Variants in DOK6 observed in about 807,000 individuals in gnomAD.
DOK6 encodes the protein docking protein 6, also known as downstream of tyrosine kinase 6.
A neutral mutation model predicts 44.0 loss-of-function variants in DOK6; 22 were observed. The ratio of observed to expected loss-of-function variants is 0.50; its 90% confidence interval spans 0.36 to 0.71. The LOEUF is 0.71. DOK6 is among the 30% of genes least tolerant of loss of function. DOK6 has a pLI of 0.00. For synonymous variants in DOK6, 166 were observed against 145.5 expected, an observed-to-expected ratio of 1.14 and a Z score of -1.01; for missense variants, 340 against 416.4, an observed-to-expected ratio of 0.82 and a Z score of 1.60.
At chr18:69,673,579 C>A (rs1394034890) in intron 3 of DOK6, among the ~76,000 whole-genome samples, 1 of 152,184 alleles carries the variant, frequency 6.6e-6, no homozygotes, top group African/African-American at 2.4e-5. Flanking sequence ...CCATCATTTT[C>A]TCTGCAGTCA....
intron 1 of DOK6, among the ~76,000 whole-genome samples, chr18:69,466,285 C>T (rs1185440869): frequency 1.3e-5 from 2 of 152,144 alleles, no homozygotes; most frequent in Non-Finnish European, 2.9e-5. Flanking sequence ...TCTGTGCCTG[C>T]CTTATTTCAC....
At chr18:69,732,651 T>C (rs1599293228) in intron 5 of DOK6, among the ~76,000 whole-genome samples, 1 of 152,268 alleles carries the variant, frequency 6.6e-6, no homozygotes, top group East Asian at 1.9e-4. Flanking sequence ...TGTGAAAAGA[T>C]AGATTTTAAC....
At chr18:69,744,470 A>G (rs1978913568) in intron 6 of DOK6, among the ~76,000 whole-genome samples, 1 of 151,848 alleles carries the variant, frequency 6.6e-6, no homozygotes, top group Non-Finnish European at 1.5e-5. Flanking sequence ...TTTTTTACTG[A>G]TAGTCATGGA....
chr18:69,753,761 G>A (rs1390195841), intron 6 of DOK6, among the ~76,000 whole-genome samples: 1 of 151,902 alleles, frequency 6.6e-6, no homozygotes, highest in East Asian at 1.9e-4. Flanking sequence ...ACAGGAAATA[G>A]TCTTATAAAT....
intron 4 of DOK6, among the ~76,000 whole-genome samples, chr18:69,681,624 G>A (rs939522905): frequency 1.3e-5 from 2 of 152,046 alleles, no homozygotes; most frequent in Admixed American, 6.6e-5. Flanking sequence ...GTGCATACTT[G>A]GTAGACATTT....
In DOK6 at chr18:69,636,253, T is replaced by C. The variant is rs530150906; in HGVS notation, c.289+36755T>C. ...TGTAAGTTGAAAAACTGACCAAATC[T>C]TAAAATGAGGTGGACATAGCAGCAG... is the stretch of plus-strand genomic sequence containing the variant. On this transcript the variant is annotated intron_variant, in intron 3 of 7. Coordinates refer to ENST00000382713, the MANE Select transcript of DOK6 (RefSeq NM_152721.6). Among the ~76,000 whole-genome samples, 80 of 152,320 alleles carry C rather than the reference T, an allele frequency of 5.3e-4. 1 individual carries two copies. The highest frequency in any genetic ancestry group is 3.4e-3 in the Middle Eastern group (1 of 294).
chr18:69,533,508 A>G (rs1568288253), intron 1 of DOK6, among the ~76,000 whole-genome samples: 1 of 152,152 alleles, frequency 6.6e-6, no homozygotes, highest in Admixed American at 6.5e-5. Context: ...TTATGCAAAT[A>G]TAAGTATTAA....
At chr18:69,559,974 C>G (rs961393192) in intron 1 of DOK6, among the ~76,000 whole-genome samples, 2 of 152,100 alleles carry the variant, frequency 1.3e-5, no homozygotes, top group African/African-American at 4.8e-5. Flanking sequence ...CCCAAAGGCC[C>G]CATCTCCAAA....
At chr18:69,701,730 G>A (rs1052630168) in intron 5 of DOK6, among the ~76,000 whole-genome samples, 3 of 151,970 alleles carry the variant, frequency 2.0e-5, no homozygotes, top group Non-Finnish European at 2.9e-5. Flanking sequence ...TTAGAAACCT[G>A]GGAAAAACCC....
chr18:69,831,983 A>G (rs2145133150), intron 7 of DOK6, among the ~76,000 whole-genome samples: 1 of 152,260 alleles, frequency 6.6e-6, no homozygotes, highest in South Asian at 2.1e-4. Context: ...ACAACTTCAA[A>G]CAAGGATAAT....
At chr18:69,467,154 A>G (rs1241528175) in intron 1 of DOK6, among the ~76,000 whole-genome samples, 1 of 152,130 alleles carries the variant, frequency 6.6e-6, no homozygotes, top group Non-Finnish European at 1.5e-5. Context: ...AATGTTGTAA[A>G]CCAAAGAGGA....
At chr18:69,490,355 T>C (rs976218408) in intron 1 of DOK6, among the ~76,000 whole-genome samples, 4 of 152,176 alleles carry the variant, frequency 2.6e-5, no homozygotes, top group African/African-American at 9.7e-5. Context: ...TGGCTAAATT[T>C]GAATTGTTAT....
At chr18:69,749,736 C>T (rs908626043) in intron 6 of DOK6, among the ~76,000 whole-genome samples, 2 of 151,894 alleles carry the variant, frequency 1.3e-5, no homozygotes, top group African/African-American at 4.8e-5. Flanking sequence ...GTCAAGAGAT[C>T]GAGACCATCC....
At chr18:69,502,918 A>G (rs1981085909) in intron 1 of DOK6, among the ~76,000 whole-genome samples, 1 of 152,126 alleles carries the variant, frequency 6.6e-6, no homozygotes, top group Non-Finnish European at 1.5e-5. Context: ...GCGCTCTTAT[A>G]GATGGAGCCG....
At chr18:69,712,077 C>T (rs970255910) in intron 5 of DOK6, among the ~76,000 whole-genome samples, 2 of 150,074 alleles carry the variant, frequency 1.3e-5, no homozygotes, top group South Asian at 2.1e-4. Flanking sequence ...GTCAGGAGAT[C>T]GAGACCATCC....
chr18:69,614,164 G>T (rs1018096025), intron 3 of DOK6, among the ~76,000 whole-genome samples: 2 of 151,950 alleles, frequency 1.3e-5, no homozygotes, highest in Admixed American at 6.6e-5. Context: ...TGTGTTAGGT[G>T]ATATATTTGT....
At chr18:69,709,331 A>C (rs935898504) in intron 5 of DOK6, among the ~76,000 whole-genome samples, 2 of 152,146 alleles carry the variant, frequency 1.3e-5, no homozygotes, top group African/African-American at 4.8e-5. Flanking sequence ...TATAAATGAA[A>C]ATATGTTTCA....
rs372310421 is a variant in DOK6, at chr18:69,823,703, A to C, written c.857-17541A>C. Among the ~76,000 whole-genome samples the C allele has an allele frequency of 7.4e-4, 112 of 151,454 alleles. 1 individual carries two copies. In the South Asian group the frequency reaches 0.023, roughly 31 times the overall value. ...TAATTGTGAAGCAGGGGTATTCTCC[A>C]TTCTCTTATATCAGCATCTTCCTGG... On this transcript the variant is annotated intron_variant, in intron 7 of 7. Transcript: ENST00000382713.
chr18:69,418,887 A>G (rs963950775), intron 1 of DOK6, among the ~76,000 whole-genome samples: 3 of 152,030 alleles, frequency 2.0e-5, no homozygotes, highest in African/African-American at 7.3e-5. Context: ...TGGGGAAAAA[A>G]CTTTTTTTGC....
Sources: gnomAD v4.1 joint callset for allele counts (sites outside exome capture counted in the v4.1 genomes callset) on GRCh38, gnomAD v4.1.1 for gene constraint, MANE v1.5 for transcripts, NCBI Gene and HGNC (gene_info 2026-07-23, HGNC 2026-07-21) for gene names.